MYOM2: variants seen among roughly 807,000 people sequenced by gnomAD.
MYOM2 encodes the protein myomesin-2.
MYOM2 carries 254 observed loss-of-function variants against 187.6 expected under a neutral mutation model. That is an observed-to-expected ratio of 1.35 (90% CI 1.22 to 1.50). The LOEUF (loss-of-function observed/expected upper bound fraction) is 1.50, where lower values mean the gene tolerates loss of function less well. Among genes scored for constraint, MYOM2 ranks in the 40% most tolerant of loss-of-function variants. The pLI is 0.00. For synonymous variants in MYOM2, 981 were observed against 753.8 expected (o/e 1.30, Z -4.94); for missense variants, 2,796 against 1,924.0 (o/e 1.45, Z -8.48).
chr8:2,056,878 C>A (rs1406544181), intron 3 of MYOM2, among the ~76,000 whole-genome samples: 1 of 152,158 alleles, frequency 6.6e-6, no homozygotes, highest in East Asian at 1.9e-4. Context: ...CCCGAGTTGC[C>A]CTGTCTTTAC....
At chr8:2,104,055 T>C (rs527957972) in intron 21 of MYOM2, among the ~76,000 whole-genome samples, 52 of 152,338 alleles carry the variant, frequency 3.4e-4, no homozygotes, top group African/African-American at 1.2e-3. Flanking sequence ...GTCATCTTCA[T>C]GCTTGGCAGG....
intron 2 of MYOM2, among the ~76,000 whole-genome samples, 179 bp downstream of exon 2, chr8:2,051,052 C>A (rs1406370212): frequency 6.6e-6 from 1 of 152,104 alleles, no homozygotes; most frequent in East Asian, 1.9e-4. Context: ...GTGGAGCTGG[C>A]GTAGTGTTCT....
chr8:2,068,518 C>G (rs34349056), intron 6 of MYOM2, among the ~76,000 whole-genome samples: 50,864 of 149,256 alleles, frequency 0.34, 10,477 homozygotes, highest in Middle Eastern at 0.48. Flanking sequence ...CAGAGAGCAT[C>G]CTGGGTACAG....
chr8:2,077,770 C>T (rs73657721), intron 11 of MYOM2, among the ~76,000 whole-genome samples: 2,539 of 152,312 alleles, frequency 0.017, 69 homozygotes, highest in African/African-American at 0.057. Context: ...TTCAAAGCAA[C>T]GGAACACTTT....
chr8:2,095,631 C>T (rs1483389929), intron 17 of MYOM2, among the ~76,000 whole-genome samples: 2 of 152,186 alleles, frequency 1.3e-5, no homozygotes, highest in African/African-American at 4.8e-5. Context: ...ATTCCAGTCA[C>T]CTGTGTCTCA....
intron 25 of MYOM2, among the ~76,000 whole-genome samples, chr8:2,115,036 G>C (rs551941464): frequency 6.8e-6 from 1 of 147,540 alleles, no homozygotes; most frequent in Non-Finnish European, 1.5e-5. Flanking sequence ...GTTTTGAAAG[G>C]TTTCATTAGA....
At chr8:2,103,140 G>C (rs535786438) in intron 21 of MYOM2, among the ~76,000 whole-genome samples, 1 of 148,208 alleles carries the variant, frequency 6.7e-6, no homozygotes, top group Non-Finnish European at 1.5e-5. Context: ...GGGTGTGTGT[G>C]TAAATGAATG....
At chr8:2,126,084 T>C (rs780474261) in intron 31 of MYOM2, among the ~76,000 whole-genome samples, 15 of 152,150 alleles carry the variant, frequency 9.9e-5, no homozygotes, top group South Asian at 4.1e-4. Flanking sequence ...TCATGGATAA[T>C]AGAACTGACC....
rs17064618 is a variant in MYOM2 at position 2,057,765 on chromosome 8, C to T, written c.545C>T (p.Thr182Met). ...TGCTTCACCGTGCAAGGATTTCCCACGCCCGTGGTGCAGTGGTGAGGGGCT... is the reference window on the plus strand; with the variant it reads ...TGCTTCACCGTGCAAGGATTTCCCATGCCCGTGGTGCAGTGGTGAGGGGCT... Reference protein sequence around the residue: ...KLCFTVQGFPTPVVQWYKDGS... With the variant: ...KLCFTVQGFPMPVVQWYKDGS... The change falls in exon 5 of 37, where the codon ACG becomes ATG. Residue 182 changes from threonine to methionine, a missense_variant. Thr to Met is a moderately conservative substitution (Grantham distance 81). Transcript: ENST00000262113. 0.048 allele frequency: 77,780 copies of T among 1,613,924 alleles called. 2,310 individuals are homozygous for T. The highest frequency in any genetic ancestry group is 0.13 in the African/African-American group (9,787 of 74,978).
intron 20 of MYOM2, 97 bp downstream of exon 20, chr8:2,101,151 G>T (rs1563056040): frequency 3.9e-6 from 5 of 1,274,222 alleles, no homozygotes; most frequent in South Asian, 1.4e-5. Context: ...TTCGAAACCA[G>T]CCTGGCCAAC....
At chr8:2,100,101 C>A (rs1207465486) in intron 19 of MYOM2, among the ~76,000 whole-genome samples, 1 of 95,146 alleles carries the variant, frequency 1.1e-5, no homozygotes, top group Non-Finnish European at 2.1e-5. Flanking sequence ...TCCTTCCTTC[C>A]TTCCTTCTTT....
rs536059890 is a variant in MYOM2 at position 2,086,556 on chromosome 8, C to T, written c.1644+1166C>T. Among the ~76,000 whole-genome samples the T allele has an allele frequency of 3.9e-5, 5 of 128,794 alleles. 1 individual carries two copies. The highest frequency in any genetic ancestry group is 3.2e-4 in the Admixed American group (4 of 12,672). 84.5% of individuals were successfully genotyped at this position (128,794 alleles called of 152,430 possible). A position where few individuals can be genotyped will look rare whatever the true frequency, so the allele number is the denominator to read the frequency against. On this transcript the variant is annotated intron_variant, in intron 14 of 36. Transcript: ENST00000262113. ...CGTGTTTGCTGTGTTTTAAAGATGA[C>T]CTACTAGTTCATCAGTGGGTCCAGA...
intron 19 of MYOM2, 146 bp downstream of exon 19, chr8:2,099,129 C>T (rs772282639): frequency 2.7e-5 from 31 of 1,129,690 alleles, no homozygotes; most frequent in Admixed American, 8.4e-5. Context: ...GTGCGCCAGG[C>T]GCCGTGCAGG....
chr8:2,104,366 G>C (rs1303646487), intron 21 of MYOM2, among the ~76,000 whole-genome samples: 1 of 152,164 alleles, frequency 6.6e-6, no homozygotes, highest in African/African-American at 2.4e-5. Context: ...AATTTGGGAA[G>C]CCGAGGCGGG....
chr8:2,119,894 C>T (rs1287601153), intron 28 of MYOM2, among the ~76,000 whole-genome samples: 1 of 152,030 alleles, frequency 6.6e-6, no homozygotes, highest in Non-Finnish European at 1.5e-5. Flanking sequence ...GGGGGGATGC[C>T]AAAAACCAGG....
intron 28 of MYOM2, among the ~76,000 whole-genome samples, chr8:2,119,967 T>C (rs559250468): frequency 6.6e-6 from 1 of 151,706 alleles, no homozygotes; most frequent in Non-Finnish European, 1.5e-5. Context: ...CAGTGAAGGG[T>C]TGGAGGGTGT....
intron 3 of MYOM2, 105 bp downstream of exon 3, chr8:2,052,418 A>C: frequency 1.0e-4 from 131 of 1,262,932 alleles, no homozygotes; most frequent in Non-Finnish European, 1.3e-4. Context: ...AGGGAAGATC[A>C]AGGAACACAG....
At chr8:2,054,347 G>A (rs1818588770) in intron 3 of MYOM2, among the ~76,000 whole-genome samples, 1 of 152,190 alleles carries the variant, frequency 6.6e-6, no homozygotes. Flanking sequence ...CCTTCTGGAA[G>A]ATATGGCCCA....
Position 2,072,493 on chromosome 8 carries a change from C to T in MYOM2, c.942C>T (p.Ala314=), listed in dbSNP as rs144856803. 21 of 1,613,432 alleles carry T rather than the reference C, an allele frequency of 1.3e-5. No homozygotes were observed. Among genetic ancestry groups the T allele is most frequent in the South Asian group, 4.4e-5 (4 of 91,072 alleles). Residue 314 remains alanine, a synonymous_variant, in exon 9 of 37, where the codon GCC becomes GCT. Coordinates refer to ENST00000262113, the MANE Select transcript of MYOM2 (RefSeq NM_003970.4). ...ACCTGAAGCGGGTGCAGCCGCGCGC[C>T]GAGTGGTACCGCGATGGTGAGTAGG... The part of the protein sequence containing the change: ...TPDLKRVQPR[A]EWYRDDVLLK...
Sources: allele counts gnomAD v4.1 joint callset (sites outside exome capture counted in the v4.1 genomes callset), GRCh38; gene constraint gnomAD v4.1.1; transcripts MANE v1.5; gene names NCBI Gene and HGNC (gene_info 2026-07-23, HGNC 2026-07-21).